Variants in GPT2 observed in about 807,000 individuals in gnomAD.
The protein encoded by GPT2 is alanine aminotransferase 2.
A neutral mutation model predicts 56.9 loss-of-function variants in GPT2; 30 were observed. The ratio of observed to expected loss-of-function variants is 0.53; its 90% CI spans 0.39 to 0.72. The LOEUF is 0.72. GPT2 is among the 30% of genes least tolerant of loss of function. GPT2 has a pLI of 0.00. For missense variants in GPT2, 542 were observed against 703.4 expected, an observed-to-expected ratio of 0.77 and a Z score of 2.60; for synonymous variants, 271 against 283.1, an observed-to-expected ratio of 0.96 and a Z score of 0.43.
chr16:46,922,833 G>A (rs933022116), intron 9 of GPT2, among the ~76,000 whole-genome samples: 2 of 152,312 alleles, frequency 1.3e-5, no homozygotes, highest in Non-Finnish European at 2.9e-5. Context: ...AGCTCTGACA[G>A]CTTTGACCAG....
At chr16:46,924,582 G>A (rs781512588) in intron 10 of GPT2, 38 bp downstream of exon 10, 2 of 1,606,820 alleles carry the variant, frequency 1.2e-6, no homozygotes, top group Non-Finnish European at 1.7e-6. Context: ...CTCTTACCAG[G>A]TTCACCTGAG....
Position 46,897,762 on chromosome 16 carries a change from C to G in GPT2, c.333+25C>G, listed in dbSNP as rs200379617. The G allele has an allele frequency of 2.5e-6, 4 of 1,608,990 alleles. No homozygotes were observed. In the East Asian group the frequency reaches 8.9e-5, roughly 36 times the overall value. Reference sequence around the variant, plus strand: ...GGTGAGCCGCCCCCAGGAGCAGAGGCTGCAGGAGGGCAGGGCCCTGGGCTG... The same window carrying G: ...GGTGAGCCGCCCCCAGGAGCAGAGGGTGCAGGAGGGCAGGGCCCTGGGCTG... On this transcript the variant is annotated intron_variant, in intron 3 of 11. Coordinates refer to ENST00000340124, the MANE Select transcript of GPT2 (RefSeq NM_133443.4).
chr16:46,895,599 T>C (rs1960671361), intron 2 of GPT2, among the ~76,000 whole-genome samples: 2 of 152,000 alleles, frequency 1.3e-5, no homozygotes, highest in Non-Finnish European at 2.9e-5. Context: ...CATAGCTCAC[T>C]GCAACCTTGA....
Position 46,910,336 on chromosome 16 carries a change from A to T in GPT2, c.820+409A>T, listed in dbSNP as rs1961022328. Among the ~76,000 whole-genome samples, 3 of 129,920 alleles carry T rather than the reference A, an allele frequency of 2.3e-5. No individual in the cohort carries two copies. In the South Asian group the frequency reaches 8.2e-4, roughly 36 times the overall value. The allele number at this position is 129,920 out of a possible 152,430, so 85.2% of individuals were successfully genotyped here. A position where few individuals can be genotyped will look rare whatever the true frequency, so the allele number is the denominator to read the frequency against. The stretch of plus-strand genomic sequence containing the variant: ...GCAGAGGTTGCAGTGAGCTGAGATC[A>T]CGCCACTGCACTCAAGCCTGGGTGA... On this transcript the variant is annotated intron_variant, in intron 6 of 11. Transcript: ENST00000340124.
At chr16:46,885,774 C>T (rs937568473) in intron 2 of GPT2, among the ~76,000 whole-genome samples, 7 of 151,914 alleles carry the variant, frequency 4.6e-5, no homozygotes, top group Non-Finnish European at 1.0e-4. Context: ...GTCCCTAGGA[C>T]CTAGGAGAGA....
intron 2 of GPT2, among the ~76,000 whole-genome samples, chr16:46,888,685 T>G (rs1960529625): frequency 6.6e-6 from 1 of 152,098 alleles, no homozygotes; most frequent in African/African-American, 2.4e-5. Flanking sequence ...GGTCTCGCTC[T>G]ATTGCCTAGG....
intron 8 of GPT2, among the ~76,000 whole-genome samples, chr16:46,919,602 C>T (rs982466452): frequency 6.6e-6 from 1 of 152,216 alleles, no homozygotes; most frequent in African/African-American, 2.4e-5. Context: ...GGCACGGGGG[C>T]AGTGGCAGGA....
At chr16:46,905,227 T>G (rs1359527016) in intron 4 of GPT2, among the ~76,000 whole-genome samples, 1 of 152,148 alleles carries the variant, frequency 6.6e-6, no homozygotes, top group African/African-American at 2.4e-5. Context: ...TGGCTGATTT[T>G]TTTTAGAGAT....
chr16:46,925,560 G>A (rs1961389974), intron 10 of GPT2, among the ~76,000 whole-genome samples: 1 of 152,172 alleles, frequency 6.6e-6, no homozygotes, highest in South Asian at 2.1e-4. Flanking sequence ...GCTGGGTGCA[G>A]TGGCTCACAC....
intron 2 of GPT2, among the ~76,000 whole-genome samples, chr16:46,896,193 T>C (rs1960682726): frequency 6.6e-6 from 1 of 152,246 alleles, no homozygotes; most frequent in Admixed American, 6.5e-5. Context: ...TCCTTGAACC[T>C]GTTGTTGACT....
chr16:46,920,201 G>C (rs1961257995), intron 8 of GPT2, among the ~76,000 whole-genome samples: 1 of 152,348 alleles, frequency 6.6e-6, no homozygotes, highest in Non-Finnish European at 1.5e-5. Flanking sequence ...ACAACAGGAA[G>C]GATGGTGTTG....
At chr16:46,925,315 G>A (rs1032072609) in intron 10 of GPT2, among the ~76,000 whole-genome samples, 25 of 151,806 alleles carry the variant, frequency 1.6e-4, no homozygotes, top group Non-Finnish European at 1.8e-4. Flanking sequence ...TCGGCCTCCC[G>A]GGTTCGCTCC....
chr16:46,888,162 A>G (rs567751007), intron 2 of GPT2, among the ~76,000 whole-genome samples: 3 of 152,364 alleles, frequency 2.0e-5, no homozygotes, highest in Non-Finnish European at 4.4e-5. Context: ...CAGGGCAGAC[A>G]TTCAGAACTG....
At chr16:46,898,958 A>T (rs60652192) in intron 3 of GPT2, among the ~76,000 whole-genome samples, 1 of 31,312 alleles carries the variant, frequency 3.2e-5, no homozygotes, top group African/African-American at 1.1e-4. Flanking sequence ...ATATATGTGT[A>T]TATATATACA....
intron 2 of GPT2, among the ~76,000 whole-genome samples, chr16:46,895,336 G>A (rs1290184905): frequency 2.0e-5 from 3 of 151,902 alleles, no homozygotes; most frequent in Non-Finnish European, 4.4e-5. Context: ...ACCAGCTTGG[G>A]AAACATGATG....
At chr16:46,892,502 C>G (rs911139034) in intron 2 of GPT2, among the ~76,000 whole-genome samples, 7 of 152,144 alleles carry the variant, frequency 4.6e-5, no homozygotes, top group African/African-American at 1.7e-4. Context: ...TTTCGAGGAA[C>G]CTCCATACTG....
intron 4 of GPT2, among the ~76,000 whole-genome samples, chr16:46,904,336 A>C (rs2143441294): frequency 6.6e-6 from 1 of 152,334 alleles, no homozygotes; most frequent in Admixed American, 6.5e-5. Context: ...GCTCGAGCCC[A>C]GGAGTTCAAG....
At chr16:46,907,110 C>A in intron 5 of GPT2, 135 bp downstream of exon 5, 2 of 1,122,210 alleles carry the variant, frequency 1.8e-6, no homozygotes, top group African/African-American at 1.5e-5. Context: ...TCCCCCAGCC[C>A]TGGCAGCCTG....
chr16:46,919,853 T>C (rs1478983041), intron 8 of GPT2, among the ~76,000 whole-genome samples: 1 of 151,820 alleles, frequency 6.6e-6, no homozygotes, highest in African/African-American at 2.4e-5. Context: ...CTGGATGTAT[T>C]TGAAGGTGGA....
Sources: gnomAD v4.1 joint callset for allele counts (sites outside exome capture counted in the v4.1 genomes callset) on GRCh38, gnomAD v4.1.1 for gene constraint, MANE v1.5 for transcripts, NCBI Gene and HGNC (gene_info 2026-07-23, HGNC 2026-07-21) for gene names.